Variants in GEMIN5 observed in about 807,000 individuals in gnomAD.
GEMIN5 encodes gem-associated protein 5.
Under a neutral mutation model 176.9 loss-of-function variants are expected in GEMIN5, and 124 were observed. The ratio of observed to expected loss-of-function variants is 0.70; its 90% CI spans 0.61 to 0.81. The LOEUF (loss-of-function observed/expected upper bound fraction) is 0.81. Ranked by LOEUF, GEMIN5 falls within the 40% of genes least tolerant of loss-of-function variation. The pLI, the probability that GEMIN5 is intolerant of heterozygous loss-of-function variation, is 0.00. For missense variants in GEMIN5, 1,843 were observed against 1,814.6 expected, an observed-to-expected ratio of 1.02 and a Z score of -0.28; for synonymous variants, 673 against 665.2, an observed-to-expected ratio of 1.01 and a Z score of -0.18.
In GEMIN5 at chr5:154,888,128, G is replaced by C; in HGVS notation, c.*82C>G. Reference sequence around the variant, plus strand: ...TGCAAAAACATCTAGGGACCAGAGTGAATGTCTGGTGAGGCATAACTGCAG... The same window carrying C: ...TGCAAAAACATCTAGGGACCAGAGTCAATGTCTGGTGAGGCATAACTGCAG... On this transcript the variant is annotated 3_prime_UTR_variant, in exon 28 of 28. Coordinates refer to ENST00000285873, the MANE Select transcript of GEMIN5 (RefSeq NM_015465.5). 1.6e-6 allele frequency: 2 copies of C among 1,255,316 alleles called. No homozygotes were observed. The highest frequency in any genetic ancestry group is 1.2e-6 in the Non-Finnish European group (1 of 859,760). The allele number at this position is 1,255,316 out of a possible 1,614,324, so 77.8% of individuals were successfully genotyped here.
chr5:154,906,558 TGAAA>T (rs1763572491), intron 16 of GEMIN5, among the ~76,000 whole-genome samples: 1 of 152,008 alleles, frequency 6.6e-6, no homozygotes, highest in Admixed American at 6.5e-5. Flanking sequence ...AGCCATTTTG[TGAAA>T]GAAAGACTTT....
At chr5:154,895,403 G>C (rs1246206055) in intron 24 of GEMIN5, among the ~76,000 whole-genome samples, 1 of 151,210 alleles carries the variant, frequency 6.6e-6, no homozygotes, top group Non-Finnish European at 1.5e-5. Context: ...TAAATCAACT[G>C]ATCTCTTTTT....
At chr5:154,898,746 C>T in intron 22 of GEMIN5, 96 bp from the exon 23 acceptor site, 1 of 1,029,824 alleles carries the variant, frequency 9.7e-7, no homozygotes, top group Non-Finnish European at 1.5e-6. Flanking sequence ...TACTTTGCTG[C>T]ATGTGCCTTC....
chr5:154,918,422 C>G (rs368927983), intron 11 of GEMIN5, among the ~76,000 whole-genome samples: 70 of 152,268 alleles, frequency 4.6e-4, no homozygotes, highest in African/African-American at 1.6e-3. Context: ...TGGTATTCCC[C>G]AAGGCTGCCT....
Position 154,937,011 on chromosome 5 carries a change from G to A in GEMIN5, c.327+14C>T. On this transcript the variant is annotated intron_variant, in intron 2 of 27. Transcript: ENST00000285873. Reference sequence around the variant, plus strand: ...TAGATAAAAACGGTTTGAGAAACCAGTAAGCCATGGTACCTGATGGAGTGC... The same window carrying A: ...TAGATAAAAACGGTTTGAGAAACCAATAAGCCATGGTACCTGATGGAGTGC... 1 of 1,600,530 alleles carries A rather than the reference G, an allele frequency of 6.2e-7. No homozygotes were observed. Among genetic ancestry groups the A allele is most frequent in the Non-Finnish European group, 8.5e-7 (1 of 1,170,446 alleles).
At chr5:154,918,898 G>T (rs1405617698) in intron 11 of GEMIN5, among the ~76,000 whole-genome samples, 3 of 151,278 alleles carry the variant, frequency 2.0e-5, no homozygotes, top group African/African-American at 7.3e-5. Flanking sequence ...ACAAAAATTA[G>T]CCAGTCTTGG....
chr5:154,891,320 TAC>T lies in GEMIN5; in HGVS notation c.4181_4182del (p.Cys1394Ter), dbSNP rs1252761468. 2.5e-6 allele frequency: 4 copies of T among 1,614,114 alleles called. No individual in the cohort carries two copies. The highest frequency in any genetic ancestry group is 1.7e-5 in the Admixed American group (1 of 60,028). On this transcript the variant is annotated frameshift_variant, in exon 26 of 28. Transcript: ENST00000285873. LOFTEE classifies it high-confidence loss of function. ...TTATCAGGACCATTTGCTGTGGATT[TAC>T]AGAGTTGACTCTTTTGGTGTTGTCG... ...MIRQHQKSQL[C>X]KSTANGPDKN...
At chr5:154,893,801 T>C (rs1582649350) in intron 24 of GEMIN5, among the ~76,000 whole-genome samples, 1 of 152,198 alleles carries the variant, frequency 6.6e-6, no homozygotes, top group Non-Finnish European at 1.5e-5. Context: ...TGGAGTGCAG[T>C]GGCACGATCT....
intron 24 of GEMIN5, among the ~76,000 whole-genome samples, chr5:154,893,691 G>A (rs577655939): frequency 3.5e-4 from 54 of 152,308 alleles, no homozygotes; most frequent in African/African-American, 1.1e-3. Context: ...GAACCACAGA[G>A]TATATAGTCT....
intron 6 of GEMIN5, among the ~76,000 whole-genome samples, chr5:154,928,230 G>A (rs1369933594): frequency 6.6e-6 from 1 of 152,182 alleles, no homozygotes; most frequent in Admixed American, 6.5e-5. Context: ...CACTTGAAGT[G>A]ACTGAAGCTC....
chr5:154,937,818 G>A, intron 1 of GEMIN5, 150 bp downstream of exon 1: 1 of 632,812 alleles, frequency 1.6e-6, no homozygotes, highest in Non-Finnish European at 2.5e-6. Context: ...GAGACCAGAA[G>A]CAACTCAGCT....
At chr5:154,902,109 T>C (rs1247675456) in intron 20 of GEMIN5, among the ~76,000 whole-genome samples, 4 of 143,532 alleles carry the variant, frequency 2.8e-5, no homozygotes, top group Non-Finnish European at 6.1e-5. Context: ...ACACCCAGCC[T>C]TTTTTTTTTT....
At chr5:154,929,405 G>C (rs966793010) in intron 5 of GEMIN5, among the ~76,000 whole-genome samples, 1 of 152,162 alleles carries the variant, frequency 6.6e-6, no homozygotes, top group South Asian at 2.1e-4. Context: ...AGAAAAATTT[G>C]GCAGTGAACG....
At chr5:154,928,174 A>G (rs1354895017) in intron 6 of GEMIN5, among the ~76,000 whole-genome samples, 3 of 152,194 alleles carry the variant, frequency 2.0e-5, no homozygotes, top group Admixed American at 6.5e-5. Flanking sequence ...GAATGGGCAT[A>G]GCCATCCAAC....
Position 154,914,026 on chromosome 5 carries a change from A to AT in GEMIN5, c.1856-989dup, listed in dbSNP as rs1015026878. ...TAAAAAATAAATAAATACACACATA[A>AT]TTTTTTTTTTTTTGAGATGGAGTTT... On this transcript the variant is annotated intron_variant, in intron 13 of 27. Coordinates refer to ENST00000285873, the MANE Select transcript of GEMIN5 (RefSeq NM_015465.5). Among the ~76,000 whole-genome samples, 119 of 145,774 alleles carry AT rather than the reference A, an allele frequency of 8.2e-4. 1 individual carries two copies. Among genetic ancestry groups the AT allele is most frequent in the East Asian group, 6.0e-3 (30 of 5,014 alleles).
At chr5:154,891,055 C>CTTTTTTTT (rs548747613) in intron 26 of GEMIN5, among the ~76,000 whole-genome samples, 186 bp downstream of exon 26, 5 of 93,936 alleles carry the variant, frequency 5.3e-5, no homozygotes, top group African/African-American at 1.3e-4. Context: ...TGTGCCCGGG[C>CTTTTTTTT]TTTTTTTTTT....
intron 5 of GEMIN5, among the ~76,000 whole-genome samples, chr5:154,930,282 C>T (rs924666642): frequency 2.6e-5 from 4 of 152,250 alleles, no homozygotes; most frequent in East Asian, 1.9e-4. Context: ...GGGCCACATG[C>T]GTCAGGGATA....
intron 20 of GEMIN5, among the ~76,000 whole-genome samples, chr5:154,902,216 T>TAAGCAATCCTC (rs1448607088): frequency 3.9e-5 from 6 of 152,282 alleles, no homozygotes; most frequent in Middle Eastern, 3.4e-3. Flanking sequence ...CGCCTAGCCT[T>TAAGCAATCCTC]AAGCAATCCT....
intron 9 of GEMIN5, among the ~76,000 whole-genome samples, chr5:154,922,984 C>T (rs952768677): frequency 6.6e-6 from 1 of 152,164 alleles, no homozygotes; most frequent in African/African-American, 2.4e-5. Flanking sequence ...GCGTGAGCCA[C>T]CGTGCCAGGC....
Sources: allele counts gnomAD v4.1 joint callset (sites outside exome capture counted in the v4.1 genomes callset), GRCh38; gene constraint gnomAD v4.1.1; transcripts MANE v1.5; gene names NCBI Gene and HGNC (gene_info 2026-07-23, HGNC 2026-07-21).